KRT9: variants seen among roughly 807,000 people sequenced by gnomAD.
KRT9 encodes the protein keratin, type I cytoskeletal 9.
KRT9 carries 34 observed loss-of-function variants against 51.4 expected under a neutral mutation model. The observed-to-expected ratio is 0.66, with a 90% confidence interval of 0.50 to 0.88. The LOEUF is 0.88. Ranked by LOEUF, KRT9 falls within the 40% of genes least tolerant of loss-of-function variation. KRT9 has a pLI of 0.00. For synonymous variants in KRT9, 292 were observed against 289.7 expected (o/e 1.01, Z -0.08); for missense variants, 753 against 790.3 (o/e 0.95, Z 0.57).
At chr17:41,569,832 G>T (rs375045898) in intron 3 of KRT9, 27 bp downstream of exon 3, 4 of 1,613,474 alleles carry the variant, frequency 2.5e-6, no homozygotes, top group Non-Finnish European at 2.5e-6. Context: ...CCCTCTTCCC[G>T]GTAAGCCATA....
intron 3 of KRT9, 86 bp from the exon 4 acceptor site, chr17:41,569,673 C>G: frequency 2.6e-6 from 4 of 1,562,302 alleles, no homozygotes; most frequent in Admixed American, 3.4e-5. Flanking sequence ...CCCCAGGGTA[C>G]AAAAAGGGGA....
At position 41,569,586 on chromosome 17, in the gene KRT9, T is replaced by C; in HGVS notation, c.884A>G (p.Glu295Gly). ...GTTCTGCCCAGTCAGCTGACTCATC[T>C]CCTGCCAGGGAAGAAGGGGAGATGA... ...LMALKKNHKE[E>G]MSQLTGQNSG... Residue 295 changes from glutamate to glycine, a missense_variant and splice_region_variant, in exon 4 of 8, where the codon GAG (glutamate) becomes GGG (glycine). By Grantham distance (98) the Glu-to-Gly change is moderately conservative. This residue lies in a region of KRT9 where 507 missense variants were observed against 563.7 expected (regional missense o/e 0.90). Transcript: ENST00000246662. The C allele has an allele frequency of 6.2e-7, 1 of 1,613,658 alleles. No individual in the cohort carries two copies. The highest frequency in any genetic ancestry group is 8.5e-7 in the Non-Finnish European group (1 of 1,180,008).
chr17:41,569,429 A>T lies in KRT9; in HGVS notation c.1041T>A (p.Thr347=). Residue 347 remains threonine (T), a synonymous_variant, in exon 4 of 8, where the codon ACT becomes ACA. Coordinates refer to ENST00000246662, the MANE Select transcript of KRT9 (RefSeq NM_000226.4). ...ATGGGCAGCCCACTCTGCTCACCTG[A>T]GTCTCATATTGATTCTCGATGTCCT... ...NRKDIENQYE[T]QITQIEHEVS... is the part of the protein sequence containing the mutation. 1 of 1,613,920 alleles carries T rather than the reference A, an allele frequency of 6.2e-7. No individual in the cohort carries two copies. Among genetic ancestry groups the T allele is most frequent in the Non-Finnish European group, 8.5e-7 (1 of 1,179,938 alleles).
chr17:41,571,145 G>A (rs942504851), intron 1 of KRT9, among the ~76,000 whole-genome samples: 1 of 152,198 alleles, frequency 6.6e-6, no homozygotes, highest in African/African-American at 2.4e-5. Flanking sequence ...TTGAGGAAAT[G>A]GAAGTGAACA....
chr17:41,567,829 G>A (rs772908395), intron 6 of KRT9, 79 bp from the exon 7 acceptor site: 14 of 1,597,782 alleles, frequency 8.8e-6, no homozygotes, highest in Non-Finnish European at 1.2e-5. Context: ...GACAGAGTCA[G>A]GACCCAAACA....
At position 41,567,435 on chromosome 17, in the gene KRT9, A is replaced by C. The variant is rs1043800619; in HGVS notation, c.1710T>G (p.Gly570=). 1 of 1,557,310 alleles carries C rather than the reference A, an allele frequency of 6.4e-7. No individual in the cohort carries two copies. Among genetic ancestry groups the C allele is most frequent in the Non-Finnish European group, 8.7e-7 (1 of 1,150,496 alleles). ...TGGACCCACTTCCTCCACCATAGCC[A>C]CCCCCACTTCCTCCTCCAGAGCCAC... The part of the protein sequence containing the change: ...GGSGSGGGSG[G]GYGGGSGSRG... Residue 570 remains glycine, a synonymous_variant, in exon 7 of 8, where the codon GGT becomes GGG. Coordinates refer to ENST00000246662, the MANE Select transcript of KRT9 (RefSeq NM_000226.4).
Position 41,569,984 on chromosome 17 carries a change from C to T in KRT9, c.757G>A (p.Val253Met). The T allele has an allele frequency of 1.2e-6, 2 of 1,614,198 alleles. No homozygotes were observed. The highest frequency in any genetic ancestry group is 1.1e-5 in the South Asian group (1 of 91,084). Residue 253 changes from valine (V) to methionine (M), a missense_variant, in exon 3 of 8, where the codon GTG becomes ATG. Transcript: ENST00000246662. Reference sequence around the variant, plus strand: ...CGCAGGCCATTGATGTCAGCATCCACTCCTTGCCGCAGGTTTTGCTCCATC... The same window carrying T: ...CGCAGGCCATTGATGTCAGCATCCATTCCTTGCCGCAGGTTTTGCTCCATC... ...FEMEQNLRQG[V>M]DADINGLRQV... is the part of the protein sequence containing the mutation.
At chr17:41,566,270 G>A (rs1015320184) in intron 7 of KRT9, 118 bp from the exon 8 acceptor site, 2 of 153,196 alleles carry the variant, frequency 1.3e-5, no homozygotes, top group African/African-American at 4.8e-5. Flanking sequence ...AGCTCAAAGA[G>A]CTGGACAATC....
chr17:41,567,310 C>A lies in KRT9; in HGVS notation c.1835G>T (p.Gly612Val). 6.2e-7 allele frequency: 1 copy of A among 1,614,188 alleles called. No individual in the cohort carries two copies. The highest frequency in any genetic ancestry group is 8.5e-7 in the Non-Finnish European group (1 of 1,180,038). The change falls in exon 7 of 8, where the codon GGC becomes GTC. Residue 612 changes from glycine to valine, a missense_variant. This residue lies in a region of KRT9 where 507 missense variants were observed against 563.7 expected (regional missense o/e 0.90). Transcript: ENST00000246662. ...GGEEASGSGG[G>V]YGGGSGKSSH... ...TGATTTTCCGCTTCCTCCTCCGTAG[C>A]CGCCACCACTTCCACTCGCTTCTTC...
chr17:41,567,191 A>T, intron 7 of KRT9, 42 bp downstream of exon 7: 7 of 1,592,080 alleles, frequency 4.4e-6, no homozygotes, highest in East Asian at 2.2e-5. Flanking sequence ...AAAAAAGGTG[A>T]GACCTTGACT....
chr17:41,569,328 G>T, intron 4 of KRT9, 98 bp downstream of exon 4: 1 of 1,171,038 alleles, frequency 8.5e-7, no homozygotes, highest in South Asian at 1.3e-5. Flanking sequence ...TGCACTGAGA[G>T]ATGCAGAGAT....
At position 41,567,496 on chromosome 17, in the gene KRT9, T is replaced by G; in HGVS notation, c.1649A>C (p.His550Pro). The G allele has an allele frequency of 6.5e-7, 1 of 1,543,842 alleles. No individual in the cohort carries two copies. The highest frequency in any genetic ancestry group is 8.7e-7 in the Non-Finnish European group (1 of 1,145,816). The change falls in exon 7 of 8, where the codon CAT becomes CCT. Residue 550 changes from histidine to proline, a missense_variant. This residue lies in a region of KRT9 where 507 missense variants were observed against 563.7 expected (regional missense o/e 0.90). Transcript: ENST00000246662. The stretch of plus-strand genomic sequence containing the variant: ...ATAGTTGCCCCCACTTCCTCCACTA[T>G]GACCACCTCCACTTCCTCCGCTATG... ...GGHSGGSGGG[H>P]SGGSGGNYGG...
At chr17:41,570,667 A>G (rs1404761446) in intron 1 of KRT9, among the ~76,000 whole-genome samples, 2 of 152,232 alleles carry the variant, frequency 1.3e-5, no homozygotes, top group Non-Finnish European at 2.9e-5. Context: ...GAAGAGGTTT[A>G]GAGTAGAAGA....
chr17:41,568,461 C>T, intron 5 of KRT9, 47 bp downstream of exon 5: 2 of 1,614,130 alleles, frequency 1.2e-6, no homozygotes, highest in Non-Finnish European at 1.7e-6. Context: ...GCTGCAAAGA[C>T]TTCCTGTGCC....
At chr17:41,566,993 A>G (rs959075293) in intron 7 of KRT9, among the ~76,000 whole-genome samples, 5 of 152,084 alleles carry the variant, frequency 3.3e-5, no homozygotes, top group Admixed American at 2.6e-4. Flanking sequence ...ACAATTTTCA[A>G]CCCATCTCCT....
chr17:41,568,425 A>C, intron 5 of KRT9, 40 bp from the exon 6 acceptor site: 1 of 1,613,918 alleles, frequency 6.2e-7, no homozygotes. Flanking sequence ...ATGCTACATC[A>C]TAACTCCTCT....
chr17:41,568,753 A>G, intron 4 of KRT9, 120 bp from the exon 5 acceptor site: 1 of 1,290,836 alleles, frequency 7.7e-7, no homozygotes, highest in East Asian at 2.3e-5. Context: ...GCCAATGACA[A>G]GTCATTCTGA....
intron 4 of KRT9, among the ~76,000 whole-genome samples, chr17:41,569,173 T>C (rs1227414795): frequency 1.3e-5 from 2 of 152,252 alleles, no homozygotes; most frequent in African/African-American, 4.8e-5. Flanking sequence ...AGCAGTCTTG[T>C]TTGGCTCATA....
intron 4 of KRT9, 104 bp downstream of exon 4, chr17:41,569,322 C>T: frequency 8.8e-7 from 1 of 1,132,016 alleles, no homozygotes; most frequent in Non-Finnish European, 1.3e-6. Flanking sequence ...GACAGCTGCA[C>T]TGAGAGATGC....
Sources: allele counts gnomAD v4.1 joint callset (sites outside exome capture counted in the v4.1 genomes callset), GRCh38; gene constraint gnomAD v4.1.1; regional missense constraint gnomAD v4.1.1; transcripts MANE v1.5; gene names NCBI Gene and HGNC (gene_info 2026-07-23, HGNC 2026-07-21).